The following ING5 variants were observed in gnomAD, a reference collection of about 807,000 sequenced individuals.
ING5 encodes inhibitor of growth family member 5.
Under a neutral mutation model 37.4 loss-of-function variants are expected in ING5, and 17 were observed. That is an observed-to-expected ratio of 0.45 (90% confidence interval 0.31 to 0.68). The LOEUF (loss-of-function observed/expected upper bound fraction) is 0.68, where lower values mean the gene tolerates loss of function less well. Among genes scored for constraint, ING5 ranks in the 30% least tolerant of loss-of-function variants. The pLI is 0.05. For missense variants in ING5, 233 were observed against 311.9 expected, an observed-to-expected ratio of 0.75 and a Z score of 1.91; for synonymous variants, 123 against 116.6, an observed-to-expected ratio of 1.06 and a Z score of -0.36.
chr2:241,715,388 G>A (rs1380055892), intron 5 of ING5, among the ~76,000 whole-genome samples: 1 of 149,916 alleles, frequency 6.7e-6, no homozygotes, highest in East Asian at 2.0e-4. Context: ...TAGAGATGGA[G>A]TTTCACCATG....
chr2:241,703,612 C>CT (rs1206865474), intron 1 of ING5, among the ~76,000 whole-genome samples: 4 of 151,858 alleles, frequency 2.6e-5, no homozygotes, highest in Admixed American at 2.0e-4. Flanking sequence ...TTTTCTTTTT[C>CT]TTTTTTTGAT....
chr2:241,695,734 C>T (rs981182340), intron 2 of ING5, among the ~76,000 whole-genome samples: 16 of 151,958 alleles, frequency 1.1e-4, no homozygotes, highest in South Asian at 2.1e-4. Flanking sequence ...GTCTGTAAGG[C>T]GGTGATACAT....
intron 7 of ING5, chr2:241,724,783 G>A (rs4425107): frequency 0.64 from 375,577 of 588,224 alleles, 123,284 homozygotes; most frequent in African/African-American, 0.86. Context: ...GTATCTGTCA[G>A]CTTCAGAACC....
chr2:241,707,084 C>T lies in ING5; in HGVS notation c.110-2132C>T, dbSNP rs113991426. ...AAGTGATTCTCCTGCCTCAGCCTCC[C>T]GAGTAGCTGGGATTACAGGCATGCA... On this transcript the variant is annotated intron_variant, in intron 2 of 7. Coordinates refer to ENST00000313552, the MANE Select transcript of ING5 (RefSeq NM_032329.6). 4.2e-3 allele frequency among the ~76,000 whole-genome samples: 634 copies of T among 151,736 alleles called. 2 individuals carry two copies. Among genetic ancestry groups the T allele is most frequent in the Middle Eastern group, 0.02 (6 of 294 alleles).
Position 241,715,642 on chromosome 2 carries a change from C to T in ING5, c.482+3571C>T, listed in dbSNP as rs184029110. Reference sequence around the variant, plus strand: ...GGATTACAGGCACGTATCACCATGCCTGGCTAATTTTTTTTTGTATTTTTA... The same window carrying T: ...GGATTACAGGCACGTATCACCATGCTTGGCTAATTTTTTTTTGTATTTTTA... On this transcript the variant is annotated intron_variant, in intron 5 of 7. Coordinates refer to ENST00000313552, the MANE Select transcript of ING5 (RefSeq NM_032329.6). 3.7e-3 allele frequency among the ~76,000 whole-genome samples: 562 copies of T among 151,886 alleles called. 8 individuals are homozygous for T. The highest frequency in any genetic ancestry group is 0.013 in the African/African-American group (529 of 41,400).
At chr2:241,709,162 G>A (rs1444103198) in intron 2 of ING5, 54 bp from the exon 3 acceptor site, 2 of 1,538,570 alleles carry the variant, frequency 1.3e-6, no homozygotes, top group Non-Finnish European at 1.8e-6. Flanking sequence ...CCAGTCTGGT[G>A]AGCACATCAT....
intron 2 of ING5, among the ~76,000 whole-genome samples, chr2:241,691,571 C>T (rs1205651988): frequency 1.3e-5 from 2 of 152,286 alleles, no homozygotes; most frequent in African/African-American, 2.4e-5. Flanking sequence ...GGGGCTGTCA[C>T]GACAGACTAC....
rs1691730147 is a variant in ING5 at position 241,729,130 on chromosome 2, A to C, written c.*4099A>C. ...AGACTTAAGGTTTTCTTAAATTTTTAGTGAGCAGTGATTGGCCTTCAATAC... is the reference window on the plus strand; with the variant it reads ...AGACTTAAGGTTTTCTTAAATTTTTCGTGAGCAGTGATTGGCCTTCAATAC... On this transcript the variant is annotated 3_prime_UTR_variant, in exon 8 of 8. Coordinates refer to ENST00000313552, the MANE Select transcript of ING5 (RefSeq NM_032329.6). The C allele has an allele frequency of 6.6e-6, 1 of 152,562 alleles. No homozygotes were observed. The highest frequency in any genetic ancestry group is 2.4e-5 in the African/African-American group (1 of 41,446). 9.5% of individuals were successfully genotyped at this position (152,562 alleles called of 1,614,324 possible).
rs1051625893 is a variant in ING5 at position 241,694,649 on chromosome 2, G to A, written c.43+3996G>A. Among the ~76,000 whole-genome samples the A allele has an allele frequency of 5.9e-5, 9 of 151,514 alleles. No individual in the cohort carries two copies. In the South Asian group the frequency reaches 8.3e-4, roughly 14 times the overall value. ...TGAAATCTAGGGTTGGCAGAAGTAT[G>A]GAAAGCAACCAGTGGCCATGCTGGT... On this transcript the variant is annotated intron_variant, in intron 2 of 7. Coordinates refer to the ING5 transcript ENST00000636051.
intron 1 of ING5, among the ~76,000 whole-genome samples, chr2:241,689,560 A>G (rs1458461179): frequency 1.3e-5 from 2 of 152,154 alleles, no homozygotes; most frequent in Non-Finnish European, 2.9e-5. Context: ...TGAACACAGC[A>G]TGTGCACAGT....
chr2:241,708,365 G>A (rs1369685655), intron 2 of ING5, among the ~76,000 whole-genome samples: 19 of 151,124 alleles, frequency 1.3e-4, no homozygotes, highest in African/African-American at 4.1e-4. Flanking sequence ...CCGCCACCAC[G>A]CCCGGCTAAT....
chr2:241,711,468 C>T lies in ING5; in HGVS notation c.368C>T (p.Ser123Phe). Residue 123 changes from serine (S) to phenylalanine (F), a missense_variant, in exon 4 of 8, where the codon TCC (serine) becomes TTC (phenylalanine). Ser to Phe is a radical substitution (Grantham distance 155). Transcript: ENST00000313552. ...DKMEGSDFES[S>F]GGRGLKKGRG... ...ATGGAGGGCAGTGATTTTGAAAGCT[C>T]CGGAGGGCGAGGGTTAAAAAGCAAG... 1 of 1,604,514 alleles carries T rather than the reference C, an allele frequency of 6.2e-7. No individual in the cohort carries two copies. The highest frequency in any genetic ancestry group is 8.5e-7 in the Non-Finnish European group (1 of 1,176,408).
At chr2:241,718,034 A>G (rs1198758711) in intron 5 of ING5, among the ~76,000 whole-genome samples, 1 of 152,128 alleles carries the variant, frequency 6.6e-6, no homozygotes. Flanking sequence ...TATTTATGAG[A>G]CAGGTTCAGG....
intron 4 of ING5, 146 bp from the exon 5 acceptor site, chr2:241,711,832 T>G (rs2070120928): frequency 1.4e-6 from 1 of 727,114 alleles, no homozygotes; most frequent in South Asian, 2.0e-5. Context: ...GCCCGGGAGG[T>G]CAAGGCTGCG....
intron 5 of ING5, among the ~76,000 whole-genome samples, chr2:241,712,753 C>A (rs928758731): frequency 6.6e-6 from 1 of 152,082 alleles, no homozygotes; most frequent in Non-Finnish European, 1.5e-5. Context: ...GTTTTGGGCA[C>A]GGTAGCTCAT....
intron 5 of ING5, chr2:241,721,763 T>G (rs1025092161): frequency 1.0e-6 from 1 of 985,494 alleles, no homozygotes; most frequent in Non-Finnish European, 1.2e-6. Context: ...GCTTGTAAGT[T>G]TATTTGAAAA....
chr2:241,691,172 C>T (rs1356832647), intron 2 of ING5, among the ~76,000 whole-genome samples: 1 of 151,704 alleles, frequency 6.6e-6, no homozygotes, highest in Non-Finnish European at 1.5e-5. Flanking sequence ...GGTGTTGTGG[C>T]TGACACCTGT....
upstream of ING5, among the ~76,000 whole-genome samples, chr2:241,697,434 CAA>C (rs1189871969): frequency 3.7e-4 from 26 of 69,562 alleles, no homozygotes; most frequent in East Asian, 2.7e-3. Flanking sequence ...GACTCTGTCT[CAA>C]AAAAAAAAAA....
At chr2:241,708,704 A>G (rs1029825410) in intron 2 of ING5, among the ~76,000 whole-genome samples, 7 of 152,074 alleles carry the variant, frequency 4.6e-5, no homozygotes, top group Non-Finnish European at 1.0e-4. Context: ...TGTTGTCTGA[A>G]GGGACCACAG....
Sources: gnomAD v4.1 joint callset for allele counts (sites outside exome capture counted in the v4.1 genomes callset) on GRCh38, gnomAD v4.1.1 for gene constraint, MANE v1.5 for transcripts, NCBI Gene and HGNC (gene_info 2026-07-23, HGNC 2026-07-21) for gene names.